SAFB: variants seen among roughly 807,000 people sequenced by gnomAD.
The protein encoded by SAFB is scaffold attachment factor B.
In SAFB, 15 loss-of-function variants were observed where a neutral mutation model predicts 101.6. The ratio of observed to expected loss-of-function variants is 0.15; its 90% CI spans 0.10 to 0.23. The LOEUF (loss-of-function observed/expected upper bound fraction) is 0.23. Ranked by LOEUF, SAFB falls within the 10% of genes least tolerant of loss-of-function variation. The pLI is 1.00. For synonymous variants in SAFB, 449 were observed against 407.5 expected, an observed-to-expected ratio of 1.10 and a Z score of -1.23; for missense variants, 930 against 1,104.1, an observed-to-expected ratio of 0.84 and a Z score of 2.23.
intron 14 of SAFB, among the ~76,000 whole-genome samples, chr19:5,659,282 G>T (rs1269142053): frequency 6.6e-6 from 1 of 152,134 alleles, no homozygotes; most frequent in Non-Finnish European, 1.5e-5. Flanking sequence ...TCCAGCCTGG[G>T]CAACAAGAGC....
At position 5,645,432 on chromosome 19, in the gene SAFB, T is replaced by A. The variant is rs192764954; in HGVS notation, c.609+33T>A. 148 of 1,051,590 alleles carry A rather than the reference T, an allele frequency of 1.4e-4. 1 individual carries two copies. The highest frequency in any genetic ancestry group is 7.2e-4 in the Admixed American group (40 of 55,422). The allele number at this position is 1,051,590 out of a possible 1,614,324, so 65.1% of individuals were successfully genotyped here. A position where few individuals can be genotyped will look rare whatever the true frequency, so the allele number is the denominator to read the frequency against. On this transcript the variant is annotated intron_variant, in intron 5 of 20. Coordinates refer to ENST00000588852, the MANE Select transcript of SAFB (RefSeq NM_001201338.2). ...GTTGTATGTCTCAGTACTTTTAGAA[T>A]GAAAGGTCAGACCACAATTTCTGGA...
intron 14 of SAFB, among the ~76,000 whole-genome samples, chr19:5,661,213 G>C (rs772518277): frequency 4.6e-5 from 7 of 152,060 alleles, no homozygotes; most frequent in African/African-American, 1.7e-4. Context: ...GAGCCACCGC[G>C]CCCGGCCTGT....
chr19:5,627,972 A>G (rs1275304478), intron 2 of SAFB, among the ~76,000 whole-genome samples: 1 of 152,138 alleles, frequency 6.6e-6, no homozygotes, highest in Non-Finnish European at 1.5e-5. Flanking sequence ...CAGCTGAGGC[A>G]GGGCGCCGTG....
intron 2 of SAFB, among the ~76,000 whole-genome samples, chr19:5,628,664 G>A (rs1021233618): frequency 3.3e-5 from 5 of 152,148 alleles, no homozygotes. Context: ...TGAAGTACTG[G>A]GTTTAAATAT....
At chr19:5,653,989 C>A in intron 11 of SAFB, 72 bp from the exon 12 acceptor site, 1 of 1,479,204 alleles carries the variant, frequency 6.8e-7, no homozygotes. Context: ...GATCCGCCCG[C>A]CTCATCCCCC....
chr19:5,645,305 G>A (rs775165023), intron 4 of SAFB, 32 bp from the exon 5 acceptor site: 17 of 884,150 alleles, frequency 1.9e-5, no homozygotes, highest in South Asian at 8.0e-5. Flanking sequence ...TTGTTGGTGT[G>A]ATGAACTGTA....
At chr19:5,625,091 T>C (rs1046924915) in intron 1 of SAFB, among the ~76,000 whole-genome samples, 4 of 152,218 alleles carry the variant, frequency 2.6e-5, no homozygotes, top group Non-Finnish European at 5.9e-5. Context: ...TTTCATTTTC[T>C]TCAAGATGTG....
intron 4 of SAFB, 146 bp from the exon 5 acceptor site, chr19:5,645,191 C>T (rs2053801172): frequency 3.9e-6 from 2 of 510,726 alleles, no homozygotes; most frequent in Non-Finnish European, 3.5e-6. Flanking sequence ...TGCAATTATA[C>T]TATAATAGTG....
chr19:5,653,508 C>T, intron 11 of SAFB, 88 bp downstream of exon 11: 1 of 1,187,416 alleles, frequency 8.4e-7, no homozygotes, highest in Admixed American at 2.0e-5. Flanking sequence ...GCTCTGTCGC[C>T]CAGACTGGAG....
At position 5,633,677 on chromosome 19, in the gene SAFB, G is replaced by A. The variant is rs545087169; in HGVS notation, c.274+7188G>A. Among the ~76,000 whole-genome samples, 3 of 152,248 alleles carry A rather than the reference G, an allele frequency of 2.0e-5. No individual in the cohort carries two copies. In the East Asian group the frequency reaches 5.8e-4, roughly 29 times the overall value. On this transcript the variant is annotated intron_variant, in intron 2 of 20. Transcript: ENST00000588852. ...GCCTGTAGTCCCAGCTACTCGGGAGGCTGAGGCAGGAGAATGGCGTGAACC... is the reference window on the plus strand; with the variant it reads ...GCCTGTAGTCCCAGCTACTCGGGAGACTGAGGCAGGAGAATGGCGTGAACC...
intron 2 of SAFB, among the ~76,000 whole-genome samples, chr19:5,633,785 A>G (rs2053540781): frequency 6.6e-6 from 1 of 151,872 alleles, no homozygotes; most frequent in Admixed American, 6.6e-5. Flanking sequence ...TCTCAAAAAA[A>G]AAAAAAGAAA....
chr19:5,641,138 G>A (rs2053703276), intron 2 of SAFB, among the ~76,000 whole-genome samples: 1 of 152,146 alleles, frequency 6.6e-6, no homozygotes, highest in African/African-American at 2.4e-5. Context: ...CCAAAGTGCT[G>A]GGATTACAGG....
intron 4 of SAFB, among the ~76,000 whole-genome samples, chr19:5,644,736 CCTTT>C (rs2053790502): frequency 1.3e-5 from 2 of 152,180 alleles, no homozygotes; most frequent in Non-Finnish European, 2.9e-5. Flanking sequence ...ATCTGAACCC[CCTTT>C]CTTTGTTTGG....
At chr19:5,652,164 G>T (rs943337626) in intron 9 of SAFB, among the ~76,000 whole-genome samples, 2 of 151,900 alleles carry the variant, frequency 1.3e-5, no homozygotes, top group Non-Finnish European at 2.9e-5. Flanking sequence ...CTGCACTCCA[G>T]CCTGGGACAG....
Position 5,661,737 on chromosome 19 carries a change from G to C in SAFB, c.2082G>C (p.Leu694=), listed in dbSNP as rs761070116. 1.3e-6 allele frequency: 2 copies of C among 1,591,090 alleles called. No individual in the cohort carries two copies. The highest frequency in any genetic ancestry group is 1.7e-6 in the Non-Finnish European group (2 of 1,171,006). The change falls in exon 15 of 21, where the codon CTG becomes CTC. Residue 694 remains leucine, a synonymous_variant. Transcript: ENST00000588852. Reference sequence around the variant, plus strand: ...GCATCCACCGTGAGCGCGAGGAGCTGAGGCGCCAGCAGGAACTGCGCTATG... The same window carrying C: ...GCATCCACCGTGAGCGCGAGGAGCTCAGGCGCCAGCAGGAACTGCGCTATG... ...QERIHREREE[L]RRQQELRYEQ... is the part of the protein sequence containing the mutation.
chr19:5,645,401 TA>T lies in SAFB; in HGVS notation c.609+5del, dbSNP rs1375965594. On this transcript the variant is annotated splice_donor_region_variant and intron_variant, in intron 5 of 20. Transcript: ENST00000588852. ...TCATCTGACTTCACTATATTACAGGTAAACTGTTGTATGTCTCAGTACTTTT... is the reference window on the plus strand; with the variant it reads ...TCATCTGACTTCACTATATTACAGGTAACTGTTGTATGTCTCAGTACTTTT... The T allele has an allele frequency of 1.5e-6, 2 of 1,319,024 alleles. No homozygotes were observed. Among genetic ancestry groups the T allele is most frequent in the Admixed American group, 1.7e-5 (1 of 58,782 alleles). 81.7% of individuals were successfully genotyped at this position (1,319,024 alleles called of 1,614,324 possible). A position where few individuals can be genotyped will look rare whatever the true frequency, so the allele number is the denominator to read the frequency against.
At position 5,653,161 on chromosome 19, in the gene SAFB, G is replaced by A. The variant is rs1342527622; in HGVS notation, c.1340G>A (p.Arg447His). ...VVTNARSPGA[R>H]CYGFVTMSTA... ...ACAAATGCCCGGAGTCCTGGAGCTC[G>A]CTGTTACGGTTTTGTCACGATGTCC... is the stretch of plus-strand genomic sequence containing the variant. Residue 447 changes from arginine (R) to histidine (H), a missense_variant, in exon 10 of 21, where the codon CGC becomes CAC. Coordinates refer to ENST00000588852, the MANE Select transcript of SAFB (RefSeq NM_001201338.2). 4.3e-6 allele frequency: 7 copies of A among 1,614,046 alleles called. No homozygotes were observed. The highest frequency in any genetic ancestry group is 1.1e-5 in the South Asian group (1 of 91,074).
intron 17 of SAFB, chr19:5,665,274 G>A (rs1371790301): frequency 6.6e-6 from 1 of 152,144 alleles, no homozygotes; most frequent in Non-Finnish European, 1.5e-5. Flanking sequence ...GCAGCAAAAC[G>A]TAGAACTAGT....
chr19:5,660,288 G>GT (rs2054165243), intron 14 of SAFB, among the ~76,000 whole-genome samples: 1 of 135,928 alleles, frequency 7.4e-6, no homozygotes, highest in African/African-American at 2.7e-5. Context: ...TGTGTCAGTA[G>GT]TTGGTATACT....
Sources: gnomAD v4.1 joint callset for allele counts (sites outside exome capture counted in the v4.1 genomes callset) on GRCh38, gnomAD v4.1.1 for gene constraint, MANE v1.5 for transcripts, NCBI Gene and HGNC (gene_info 2026-07-23, HGNC 2026-07-21) for gene names.